Variants in TLE4 observed in about 807,000 individuals in gnomAD.
TLE4 encodes the protein TLE family member 4, transcriptional corepressor.
In TLE4, 8 loss-of-function variants were observed where a neutral mutation model predicts 92.8. That is an observed-to-expected ratio of 0.09 (90% CI 0.05 to 0.16). The LOEUF (loss-of-function observed/expected upper bound fraction) is 0.16. Among genes scored for constraint, TLE4 ranks in the 10% least tolerant of loss-of-function variants. TLE4 has a pLI of 1.00. For synonymous variants in TLE4, 371 were observed against 374.1 expected (o/e 0.99, Z 0.10); for missense variants, 675 against 997.6 (o/e 0.68, Z 4.36).
At chr9:79,687,419 G>A (rs780026501) in intron 8 of TLE4, among the ~76,000 whole-genome samples, 2 of 152,146 alleles carry the variant, frequency 1.3e-5, no homozygotes, top group African/African-American at 2.4e-5. Context: ...CTCTCAAGTG[G>A]AGACCTCAGA....
intron 6 of TLE4, among the ~76,000 whole-genome samples, chr9:79,647,314 A>G (rs1288585624): frequency 6.6e-6 from 1 of 152,198 alleles, no homozygotes; most frequent in African/African-American, 2.4e-5. Context: ...ACATATGACC[A>G]TAGTTTGAGT....
intron 16 of TLE4, among the ~76,000 whole-genome samples, chr9:79,720,705 G>A (rs754564233): frequency 1.3e-5 from 2 of 152,030 alleles, no homozygotes; most frequent in East Asian, 3.9e-4. Flanking sequence ...GATTATTGTT[G>A]ATAGAGCCTC....
At chr9:79,668,341 C>T (rs2061731511) in intron 8 of TLE4, among the ~76,000 whole-genome samples, 1 of 152,112 alleles carries the variant, frequency 6.6e-6, no homozygotes, top group Non-Finnish European at 1.5e-5. Context: ...TGGTGAGATG[C>T]CAGGAGGGCT....
intron 6 of TLE4, among the ~76,000 whole-genome samples, chr9:79,651,585 C>CT (rs776969172): frequency 6.6e-6 from 1 of 152,232 alleles, no homozygotes; most frequent in Non-Finnish European, 1.5e-5. Context: ...GGGCAGGCCT[C>CT]TAGCTTTTCA....
At chr9:79,594,791 G>A (rs2043548248) in intron 4 of TLE4, among the ~76,000 whole-genome samples, 1 of 152,108 alleles carries the variant, frequency 6.6e-6, no homozygotes, top group Non-Finnish European at 1.5e-5. Context: ...GAATCATGAA[G>A]TGCATTTTGT....
intron 8 of TLE4, among the ~76,000 whole-genome samples, chr9:79,685,674 A>G (rs1380215702): frequency 6.6e-6 from 1 of 152,238 alleles, no homozygotes; most frequent in Non-Finnish European, 1.5e-5. Context: ...CAAAATATCT[A>G]AAGATAACTC....
At chr9:79,572,980 C>G in intron 1 of TLE4, 145 bp downstream of exon 1, 1 of 824,842 alleles carries the variant, frequency 1.2e-6, no homozygotes, top group Non-Finnish European at 1.8e-6. Flanking sequence ...AGCCCGCCCG[C>G]CATCACCCCC....
At chr9:79,619,275 C>G (rs2050382981) in intron 5 of TLE4, among the ~76,000 whole-genome samples, 1 of 152,122 alleles carries the variant, frequency 6.6e-6, no homozygotes, top group African/African-American at 2.4e-5. Flanking sequence ...AAACAAACCC[C>G]TTCTACTACA....
At chr9:79,689,750 G>C (rs897327102) in intron 8 of TLE4, among the ~76,000 whole-genome samples, 1 of 152,320 alleles carries the variant, frequency 6.6e-6, no homozygotes, top group Admixed American at 6.5e-5. Flanking sequence ...AAGGTGACTT[G>C]TGCTGATAGG....
At chr9:79,638,302 A>G (rs993788386) in intron 6 of TLE4, among the ~76,000 whole-genome samples, 7 of 152,138 alleles carry the variant, frequency 4.6e-5, no homozygotes, top group African/African-American at 1.7e-4. Context: ...TTGCTTTGTG[A>G]TAAGCTCTAT....
At chr9:79,617,134 T>C (rs2049839706) in intron 5 of TLE4, among the ~76,000 whole-genome samples, 1 of 152,182 alleles carries the variant, frequency 6.6e-6, no homozygotes, top group Non-Finnish European at 1.5e-5. Context: ...CAAGGTAATA[T>C]TTCAAACGAG....
chr9:79,692,270 A>G (rs1014389498), intron 8 of TLE4, among the ~76,000 whole-genome samples: 1 of 151,910 alleles, frequency 6.6e-6, no homozygotes, highest in African/African-American at 2.4e-5. Flanking sequence ...ACACCAATCC[A>G]GGAGGGCAGG....
intron 4 of TLE4, among the ~76,000 whole-genome samples, chr9:79,608,810 T>G (rs2047690059): frequency 6.6e-6 from 1 of 152,074 alleles, no homozygotes; most frequent in African/African-American, 2.4e-5. Flanking sequence ...ATATATCCGT[T>G]TGATTACTAA....
At chr9:79,574,977 T>C (rs1265763063) in intron 3 of TLE4, 41 bp downstream of exon 3, 5 of 1,561,350 alleles carry the variant, frequency 3.2e-6, no homozygotes, top group Non-Finnish European at 4.4e-6. Context: ...CCTATTAGTT[T>C]GGAATACCAA....
At chr9:79,649,741 A>G (rs2058643875) in intron 6 of TLE4, 38 of 1,222,786 alleles carry the variant, frequency 3.1e-5, no homozygotes, top group Non-Finnish European at 4.0e-5. Context: ...TGTGAATGTC[A>G]TGTATAACTA....
At position 79,719,503 on chromosome 9, in the gene TLE4, T is replaced by C. The variant is rs550435423; in HGVS notation, c.1590+532T>C. The stretch of plus-strand genomic sequence containing the variant: ...TGAGCTAGGAGGAACTTTTTTTTTC[T>C]GTAACTTAACACTCCATGATCAAGT... On this transcript the variant is annotated intron_variant, in intron 15 of 19. Transcript: ENST00000376552. Among the ~76,000 whole-genome samples the C allele has an allele frequency of 2.4e-3, 372 of 152,304 alleles. 2 individuals carry two copies. Among genetic ancestry groups the C allele is most frequent in the African/African-American group, 8.5e-3 (353 of 41,560 alleles).
chr9:79,715,006 C>G (rs2074204883), intron 14 of TLE4, among the ~76,000 whole-genome samples: 1 of 152,132 alleles, frequency 6.6e-6, no homozygotes, highest in East Asian at 1.9e-4. Context: ...TAATAGCAAA[C>G]AGAGGGCCAC....
intron 5 of TLE4, among the ~76,000 whole-genome samples, chr9:79,626,268 A>G (rs1207101974): frequency 6.6e-6 from 1 of 152,178 alleles, no homozygotes. Context: ...TTCCACATTG[A>G]ACTGATAGCT....
chr9:79,688,667 G>A (rs2066405630), intron 8 of TLE4, among the ~76,000 whole-genome samples: 1 of 151,296 alleles, frequency 6.6e-6, no homozygotes, highest in Admixed American at 6.6e-5. Flanking sequence ...CTAATTAACT[G>A]CACTAATGAA....
Sources: gnomAD v4.1 joint callset for allele counts (sites outside exome capture counted in the v4.1 genomes callset) on GRCh38, gnomAD v4.1.1 for gene constraint, MANE v1.5 for transcripts, NCBI Gene and HGNC (gene_info 2026-07-23, HGNC 2026-07-21) for gene names.